PGLYRP4: variants seen among roughly 807,000 people sequenced by gnomAD.
PGLYRP4 encodes the protein PGRP-I-beta.
Under a neutral mutation model 41.2 loss-of-function variants are expected in PGLYRP4, and 39 were observed. The observed-to-expected ratio is 0.95, with a 90% CI of 0.73 to 1.24. PGLYRP4 has a LOEUF of 1.24. Among genes scored for constraint, PGLYRP4 ranks in the 50% most tolerant of loss-of-function variants. The pLI, the probability that PGLYRP4 is intolerant of heterozygous loss-of-function variation, is 0.00. For synonymous variants in PGLYRP4, 202 were observed against 186.8 expected, an observed-to-expected ratio of 1.08 and a Z score of -0.66; for missense variants, 467 against 460.7, an observed-to-expected ratio of 1.01 and a Z score of -0.13.
Position 153,343,085 on chromosome 1 carries a change from G to C in PGLYRP4, c.472+5C>G. On this transcript the variant is annotated splice_donor_5th_base_variant and intron_variant, in intron 5 of 8. Transcript: ENST00000359650. ...TTGGAGAAGGTCAGCTGTGATAACT[G>C]TTACCTTTCTTAGTGCCAAAGAAGG... 6.4e-7 allele frequency: 1 copy of C among 1,562,378 alleles called. No individual in the cohort carries two copies. Among genetic ancestry groups the C allele is most frequent in the Non-Finnish European group, 8.8e-7 (1 of 1,132,902 alleles).
rs1339431754 is a variant in PGLYRP4 at position 153,348,748 on chromosome 1, G to C, written c.-267C>G. The C allele has an allele frequency of 7.7e-6, 1 of 129,642 alleles. No individual in the cohort carries two copies. Among genetic ancestry groups the C allele is most frequent in the Non-Finnish European group, 1.7e-5 (1 of 58,842 alleles). 8.0% of individuals were successfully genotyped at this position (129,642 alleles called of 1,614,324 possible). A position where few individuals can be genotyped will look rare whatever the true frequency, so the allele number is the denominator to read the frequency against. On this transcript the variant is annotated 5_prime_UTR_variant, in exon 1 of 9. Coordinates refer to ENST00000359650, the MANE Select transcript of PGLYRP4 (RefSeq NM_020393.4). ...GGGCTCTAGCTTCCCAGAGAGAAGA[G>C]AGCCCAGGATCCCTAACAAAAGATG... is the stretch of plus-strand genomic sequence containing the variant.
At chr1:153,337,380 T>G in intron 7 of PGLYRP4, 81 bp from the exon 8 acceptor site, 1 of 806,730 alleles carries the variant, frequency 1.2e-6, no homozygotes, top group Non-Finnish European at 2.0e-6. Context: ...TTTATTCATG[T>G]CTTTACTACT....
rs543998496 is a variant in PGLYRP4 at position 153,334,066 on chromosome 1, G to C, written c.943+3115C>G. On this transcript the variant is annotated intron_variant, in intron 8 of 8. Coordinates refer to ENST00000359650, the MANE Select transcript of PGLYRP4 (RefSeq NM_020393.4). ...TATTGAAGAAAACAATCATGCAAGA[G>C]AGAGAAATAAAAGGCACCCAAATTG... Among the ~76,000 whole-genome samples the C allele has an allele frequency of 9.2e-5, 14 of 152,112 alleles. No individual in the cohort carries two copies. In the East Asian group the frequency reaches 2.3e-3, roughly 25 times the overall value.
At position 153,337,302 on chromosome 1, in the gene PGLYRP4, A is replaced by G. The variant is rs775447881; in HGVS notation, c.825-3T>C. ...CGCCATCCTGGCCCACCAGGAAGCTAGAGGACCACAAGGGGAGATGGAGAC... is the reference window on the plus strand; with the variant it reads ...CGCCATCCTGGCCCACCAGGAAGCTGGAGGACCACAAGGGGAGATGGAGAC... On this transcript the variant is annotated splice_region_variant and splice_polypyrimidine_tract_variant and intron_variant, in intron 7 of 8. Transcript: ENST00000359650. The G allele has an allele frequency of 1.1e-5, 18 of 1,578,212 alleles. No individual in the cohort carries two copies. In the East Asian group the frequency reaches 3.8e-4, roughly 33 times the overall value.
Position 153,337,808 on chromosome 1 carries a change from G to A in PGLYRP4, c.825-509C>T, listed in dbSNP as rs565222914. Among the ~76,000 whole-genome samples the A allele has an allele frequency of 5.3e-5, 8 of 152,202 alleles. No homozygotes were observed. The South Asian group carries it at 1.7e-3, about 32-fold the overall frequency. ...GGATCTCCTTACCATTAAATACAAAGTAAACTTCCCCAGTCTTTCCTGACT... is the reference window on the plus strand; with the variant it reads ...GGATCTCCTTACCATTAAATACAAAATAAACTTCCCCAGTCTTTCCTGACT... On this transcript the variant is annotated intron_variant, in intron 7 of 8. Transcript: ENST00000359650.
In PGLYRP4 at chr1:153,347,994, A is replaced by G; in HGVS notation, c.-46-16T>C. On this transcript the variant is annotated splice_polypyrimidine_tract_variant and intron_variant, in intron 1 of 8. Coordinates refer to ENST00000359650, the MANE Select transcript of PGLYRP4 (RefSeq NM_020393.4). ...GGATGGCAGCCTGAGAGAGACGCTG[A>G]CAGTTGTTAACATGACCATTCTCAA... The G allele has an allele frequency of 7.6e-7, 1 of 1,308,706 alleles. No homozygotes were observed. The highest frequency in any genetic ancestry group is 1.9e-5 in the Admixed American group (1 of 53,672). 81.1% of individuals were successfully genotyped at this position (1,308,706 alleles called of 1,614,324 possible).
chr1:153,342,973 A>T, intron 5 of PGLYRP4, 117 bp downstream of exon 5: 1 of 561,460 alleles, frequency 1.8e-6, no homozygotes, highest in Non-Finnish European at 3.1e-6. Flanking sequence ...GTGGGTCTTC[A>T]GAGAAGTATG....
At chr1:153,344,613 C>T (rs778970701) in intron 4 of PGLYRP4, among the ~76,000 whole-genome samples, 10 of 152,124 alleles carry the variant, frequency 6.6e-5, no homozygotes, top group Admixed American at 1.3e-4. Flanking sequence ...CAGAGGTGAG[C>T]CAAGGGCATG....
intron 8 of PGLYRP4, among the ~76,000 whole-genome samples, chr1:153,333,603 CACA>C (rs1660424462): frequency 1.3e-5 from 2 of 152,142 alleles, no homozygotes; most frequent in Non-Finnish European, 2.9e-5. Flanking sequence ...CAGGTAAGGA[CACA>C]ACAACAACAA....
At chr1:153,346,697 C>T (rs1557832660) in intron 2 of PGLYRP4, among the ~76,000 whole-genome samples, 1 of 152,164 alleles carries the variant, frequency 6.6e-6, no homozygotes, top group South Asian at 2.1e-4. Flanking sequence ...TGATTGAGAC[C>T]CTTACCCACA....
In PGLYRP4 at chr1:153,341,725, G is replaced by A. The variant is rs752865654; in HGVS notation, c.527C>T (p.Ala176Val). 4 of 1,614,028 alleles carry A rather than the reference G, an allele frequency of 2.5e-6. No individual in the cohort carries two copies. The Admixed American group carries it at 6.7e-5, about 27-fold the overall frequency. The change falls in exon 6 of 9, where the codon GCT becomes GTT. Residue 176 changes from alanine (A) to valine (V), a missense_variant. Coordinates refer to ENST00000359650, the MANE Select transcript of PGLYRP4 (RefSeq NM_020393.4). ...LSAMENLITY[A>V]VQKGHLSSSY... ...GGATGACAGGTGGCCCTTCTGGACA[G>A]CATAGGTGATTAGGTTTTCCATGGC...
In PGLYRP4 at chr1:153,341,637, G is replaced by C. The variant is rs73014502; in HGVS notation, c.615C>G (p.Ser205Arg). 827 of 1,612,330 alleles carry C rather than the reference G, an allele frequency of 5.1e-4. 8 individuals carry two copies. The African/African-American group carries it at 9.7e-3, about 19-fold the overall frequency. Residue 205 changes from serine to arginine, a missense_variant, in exon 6 of 9, where the codon AGC becomes AGG. Physicochemically the swap from Ser to Arg is moderately radical, Grantham distance 110. Transcript: ENST00000359650. The part of the protein sequence containing the change: ...ENCLAPRQKT[S>R]LKKACPGVVP... ...GAAGAAAGGTCTTACCCTTCTTCAG[G>C]CTTGTCTTCTGCCGAGGGGCCAGGC...
chr1:153,343,238 G>C (rs1282396875), intron 4 of PGLYRP4, 30 bp from the exon 5 acceptor site: 4 of 1,478,518 alleles, frequency 2.7e-6, no homozygotes, highest in African/African-American at 1.4e-5. Flanking sequence ...AGGTTTCATG[G>C]CTGGCACTGT....
At chr1:153,334,390 GTATATATATGTATTCCTGATA>G (rs1660457601) in intron 8 of PGLYRP4, among the ~76,000 whole-genome samples, 1 of 148,328 alleles carries the variant, frequency 6.7e-6, no homozygotes, top group South Asian at 2.1e-4. Context: ...TTCCTAGTGT[GTATATATATGTATTCCTGATA>G]TATATATATG....
At chr1:153,344,962 C>T (rs1460958482) in intron 4 of PGLYRP4, 2 of 566,270 alleles carry the variant, frequency 3.5e-6, no homozygotes, top group African/African-American at 3.8e-5. Context: ...ACCTTCCTTG[C>T]TTCCTCCTGG....
In PGLYRP4 at chr1:153,345,369, A is replaced by G. The variant is rs1465377770; in HGVS notation, c.153T>C (p.Asp51=). 6.2e-7 allele frequency: 1 copy of G among 1,614,094 alleles called. No individual in the cohort carries two copies. The highest frequency in any genetic ancestry group is 8.5e-7 in the Non-Finnish European group (1 of 1,179,976). The change falls in exon 4 of 9, where the codon GAT becomes GAC. Residue 51 remains aspartate (D), a synonymous_variant. Transcript: ENST00000359650. ...CCTTGCGAGAGACCGTGGTGGAGACATCTGTGGGAAGGCCTTGGGGACGTC... is the reference window on the plus strand; with the variant it reads ...CCTTGCGAGAGACCGTGGTGGAGACGTCTGTGGGAAGGCCTTGGGGACGTC... ...SQLTEKGLPT[D]VSTTVSRKAW...
intron 8 of PGLYRP4, among the ~76,000 whole-genome samples, chr1:153,335,620 G>T (rs1660523339): frequency 6.7e-6 from 1 of 150,046 alleles, no homozygotes; most frequent in South Asian, 2.1e-4. Context: ...AGCTACTCGG[G>T]AGGCTGAGGC....
rs753916021 is a variant in PGLYRP4, at chr1:153,346,089, A to G, written c.139+13T>C. 1.9e-6 allele frequency: 3 copies of G among 1,592,122 alleles called. No homozygotes were observed. Among genetic ancestry groups the G allele is most frequent in the Non-Finnish European group, 2.6e-6 (3 of 1,159,938 alleles). Reference sequence around the variant, plus strand: ...TCGTCCCAAAACCCCCTTACTATCCAGATCCAGTTTACCTTTTTCAGTGAG... The same window carrying G: ...TCGTCCCAAAACCCCCTTACTATCCGGATCCAGTTTACCTTTTTCAGTGAG... On this transcript the variant is annotated intron_variant, in intron 3 of 8. Coordinates refer to ENST00000359650, the MANE Select transcript of PGLYRP4 (RefSeq NM_020393.4).
At chr1:153,345,882 T>A (rs945870257) in intron 3 of PGLYRP4, among the ~76,000 whole-genome samples, 2 of 152,212 alleles carry the variant, frequency 1.3e-5, no homozygotes, top group South Asian at 2.1e-4. Context: ...CTGCAGAGGC[T>A]GTTTCCCCTC....
Sources: allele counts gnomAD v4.1 joint callset (sites outside exome capture counted in the v4.1 genomes callset), GRCh38; gene constraint gnomAD v4.1.1; transcripts MANE v1.5; gene names NCBI Gene and HGNC (gene_info 2026-07-23, HGNC 2026-07-21).